Variants in ADGRB1 observed in about 807,000 individuals in gnomAD.
ADGRB1 encodes adhesion G protein-coupled receptor B1.
ADGRB1 carries 36 observed loss-of-function variants against 175.7 expected under a neutral mutation model. That is an observed-to-expected ratio of 0.20 (90% CI 0.16 to 0.27). The LOEUF is 0.27. ADGRB1 is among the 10% of genes least tolerant of loss of function. ADGRB1 has a pLI of 1.00. For missense variants in ADGRB1, 1,731 were observed against 2,255.3 expected (o/e 0.77, Z 4.71); for synonymous variants, 1,054 against 979.4 (o/e 1.08, Z -1.42).
At chr8:142,524,694 G>A (rs530019471) in intron 23 of ADGRB1, among the ~76,000 whole-genome samples, 5 of 152,274 alleles carry the variant, frequency 3.3e-5, no homozygotes, top group South Asian at 2.1e-4. Flanking sequence ...GCCCCAGAGC[G>A]CCAGATGTGA....
In ADGRB1 at chr8:142,492,919, C is replaced by T. The variant is rs568920077; in HGVS notation, c.2675+2104C>T. On this transcript the variant is annotated intron_variant, in intron 17 of 30. Coordinates refer to ENST00000517894, the MANE Select transcript of ADGRB1 (RefSeq NM_001702.3). The surrounding 1 kb of genome is among the most constrained non-coding windows in gnomAD (Gnocchi z 4.4). ...CCCCACAGTGCAGAAACCCTCCATC[C>T]GGGCTGTTCGCCGGCCGCGGCAGCT... Among the ~76,000 whole-genome samples the T allele has an allele frequency of 1.3e-5, 2 of 152,074 alleles. No individual in the cohort carries two copies. Among genetic ancestry groups the T allele is most frequent in the South Asian group, 2.1e-4 (1 of 4,798 alleles).
chr8:142,502,459 T>TGGGGTA (rs1842656183), intron 17 of ADGRB1, among the ~76,000 whole-genome samples: 1 of 119,782 alleles, frequency 8.3e-6, no homozygotes, highest in Non-Finnish European at 1.7e-5. Flanking sequence ...GATGGGGTGG[T>TGGGGTA]GCAGTCATCA....
At position 142,510,919 on chromosome 8, in the gene ADGRB1, C is replaced by G; in HGVS notation, c.2676-13C>G. ...CTCCGCCTGTCTCCCTCCCGTGTCCCGCCCGCCCCCAGACCCTCCTCCTCC... is the reference window on the plus strand; with the variant it reads ...CTCCGCCTGTCTCCCTCCCGTGTCCGGCCCGCCCCCAGACCCTCCTCCTCC... On this transcript the variant is annotated splice_polypyrimidine_tract_variant and intron_variant, in intron 17 of 30. Coordinates refer to ENST00000517894, the MANE Select transcript of ADGRB1 (RefSeq NM_001702.3). This position sits in a 1 kb window ranked among gnomAD's most constrained non-coding sequence, Gnocchi z 6.3. 8 of 1,064,200 alleles carry G rather than the reference C, an allele frequency of 7.5e-6. No homozygotes were observed. The highest frequency in any genetic ancestry group is 9.2e-6 in the Non-Finnish European group (8 of 866,218). The allele number at this position is 1,064,200 out of a possible 1,614,324, so 65.9% of individuals were successfully genotyped here. A position where few individuals can be genotyped will look rare whatever the true frequency, so the allele number is the denominator to read the frequency against.
At chr8:142,475,892 A>ATTTGGCCCTTGGG (rs1283452710) in intron 3 of ADGRB1, among the ~76,000 whole-genome samples, 1 of 8,142 alleles carries the variant, frequency 1.2e-4, no homozygotes, top group Non-Finnish European at 4.0e-4. Context: ...GCAGGACCTA[A>ATTTGGCCCTTGGG]ACTCGGGGCT....
In ADGRB1 at chr8:142,464,692, C is replaced by G. The variant is rs1316750651; in HGVS notation, c.494C>G (p.Pro165Arg). ...GLRPRAGPPG[P>R]TDDFSVEYLV... ...CGGCCCCGGGCCGGGCCGCCGGGCC[C>G]CACCGACGACTTCTCCGTGGAGTAC... The change falls in exon 2 of 31, where the codon CCC (proline) becomes CGC (arginine). Residue 165 changes from proline to arginine, a missense_variant. Coordinates refer to ENST00000517894, the MANE Select transcript of ADGRB1 (RefSeq NM_001702.3). 12 of 1,528,428 alleles carry G rather than the reference C, an allele frequency of 7.9e-6. No individual in the cohort carries two copies. Among genetic ancestry groups the G allele is most frequent in the Non-Finnish European group, 1.0e-5 (12 of 1,143,208 alleles). 94.7% of individuals were successfully genotyped at this position (1,528,428 alleles called of 1,614,324 possible).
Position 142,464,733 on chromosome 8 carries a change from C to A in ADGRB1, c.535C>A (p.Arg179Ser), listed in dbSNP as rs1257962035. Residue 179 changes from arginine (R) to serine (S), a missense_variant, in exon 2 of 31, where the codon CGC (arginine) becomes AGC (serine). Arg to Ser is a moderately radical substitution (Grantham distance 110, BLOSUM62 -1). Coordinates refer to ENST00000517894, the MANE Select transcript of ADGRB1 (RefSeq NM_001702.3). ...FSVEYLVVGN[R>S]NPSRAACQML... Reference sequence around the variant, plus strand: ...CGTGGAGTACCTGGTGGTGGGGAACCGCAACCCCAGCCGTGCCGCCTGCCA... The same window carrying A: ...CGTGGAGTACCTGGTGGTGGGGAACAGCAACCCCAGCCGTGCCGCCTGCCA... 5.9e-6 allele frequency: 9 copies of A among 1,534,058 alleles called. No homozygotes were observed. The highest frequency in any genetic ancestry group is 2.0e-5 in the Admixed American group (1 of 50,832).
chr8:142,481,535 A>C lies in ADGRB1; in HGVS notation c.1954A>C (p.Lys652Gln). The change falls in exon 11 of 31, where the codon AAG becomes CAG. Residue 652 changes from lysine to glutamine, a missense_variant. This residue lies in a region of ADGRB1 where 388 missense variants were observed against 630.9 expected (regional missense o/e 0.61). Coordinates refer to ENST00000517894, the MANE Select transcript of ADGRB1 (RefSeq NM_001702.3). ...IQMMTREHLA[K>Q]AQRGLPGEGV... ...TCCGCAGACCCGGGAGCACCTGGCC[A>C]AGGCTCAGCGAGGGCTGCCTGGGGA... 2 of 1,587,818 alleles carry C rather than the reference A, an allele frequency of 1.3e-6. No individual in the cohort carries two copies. Among genetic ancestry groups the C allele is most frequent in the Non-Finnish European group, 1.7e-6 (2 of 1,166,636 alleles).
At position 142,543,559 on chromosome 8, in the gene ADGRB1, C is replaced by A; in HGVS notation, c.4450-42C>A. On this transcript the variant is annotated intron_variant, in intron 29 of 30. Transcript: ENST00000517894. The surrounding 1 kb of genome is among the most constrained non-coding windows in gnomAD (Gnocchi z 4.4). ...CGGGGCAGGCAGGATGGGCCATGCC[C>A]TCCTCCTGGCCCAGGACTCACTGCC... 6.4e-7 allele frequency: 1 copy of A among 1,574,630 alleles called. No homozygotes were observed. The highest frequency in any genetic ancestry group is 8.6e-7 in the Non-Finnish European group (1 of 1,159,052).
rs893685196 is a variant in ADGRB1 at position 142,517,367 on chromosome 8, C to T, written c.2818-771C>T. ...AGGTCACCCCGGCACCCGGATGACACCCCAGCTCCCACACTCTCCTGCCTC... is the reference window on the plus strand; with the variant it reads ...AGGTCACCCCGGCACCCGGATGACATCCCAGCTCCCACACTCTCCTGCCTC... On this transcript the variant is annotated intron_variant, in intron 18 of 30. Coordinates refer to ENST00000517894, the MANE Select transcript of ADGRB1 (RefSeq NM_001702.3). Among the ~76,000 whole-genome samples the T allele has an allele frequency of 2.0e-5, 3 of 152,234 alleles. No individual in the cohort carries two copies. In the South Asian group the frequency reaches 6.2e-4, roughly 31 times the overall value.
chr8:142,452,230 C>A (rs944827811), intron 1 of ADGRB1, among the ~76,000 whole-genome samples: 4 of 152,206 alleles, frequency 2.6e-5, no homozygotes, highest in Non-Finnish European at 5.9e-5. Flanking sequence ...CCGGGAGACC[C>A]GGCGGCTGAG....
Position 142,533,469 on chromosome 8 carries a change from G to A in ADGRB1, c.3570+3G>A. On this transcript the variant is annotated splice_donor_region_variant and intron_variant, in intron 25 of 30. Transcript: ENST00000517894. Reference sequence around the variant, plus strand: ...TGCACTGTATCCTCCGTAGAGAGGTGGGTGAGGCAGCCTCTGTCGGGCCGG... The same window carrying A: ...TGCACTGTATCCTCCGTAGAGAGGTAGGTGAGGCAGCCTCTGTCGGGCCGG... 2 of 1,586,838 alleles carry A rather than the reference G, an allele frequency of 1.3e-6. No homozygotes were observed. The highest frequency in any genetic ancestry group is 1.7e-6 in the Non-Finnish European group (2 of 1,160,082).
chr8:142,497,491 G>C (rs1842277917), intron 17 of ADGRB1, among the ~76,000 whole-genome samples: 1 of 152,126 alleles, frequency 6.6e-6, no homozygotes, highest in Non-Finnish European at 1.5e-5. Context: ...GGCAGAGGAG[G>C]CTGGGGGAGG....
intron 22 of ADGRB1, 90 bp downstream of exon 22, chr8:142,522,800 C>A: frequency 1.5e-6 from 2 of 1,293,184 alleles, no homozygotes; most frequent in South Asian, 3.8e-5. Context: ...GCCATGCCCT[C>A]CCCCCGTGTG....
chr8:142,464,439 A>AC lies in ADGRB1; in HGVS notation c.242dup (p.Leu82SerfsTer119). On this transcript the variant is annotated frameshift_variant, in exon 2 of 31. Transcript: ENST00000517894. LOFTEE classifies it high-confidence loss of function. ...ACGCAACCCGGACCCGCGGCGCTAC[A>AC]CTCTCTACATGAAGGTGGCCAAGGC... 6.4e-7 allele frequency: 1 copy of AC among 1,570,500 alleles called. No homozygotes were observed. The highest frequency in any genetic ancestry group is 8.6e-7 in the Non-Finnish European group (1 of 1,162,800).
Position 142,455,644 on chromosome 8 carries a change from C to T in ADGRB1, c.-220+5540C>T, listed in dbSNP as rs1839628338. On this transcript the variant is annotated intron_variant, in intron 1 of 30. Transcript: ENST00000517894. The surrounding 1 kb of genome is among the most constrained non-coding windows in gnomAD (Gnocchi z 4.9). Reference sequence around the variant, plus strand: ...GAACCTGTGTCCTGGTGCCTGTCCCCCACTCCTCACTCAGCTGTGGGCCAG... The same window carrying T: ...GAACCTGTGTCCTGGTGCCTGTCCCTCACTCCTCACTCAGCTGTGGGCCAG... Among the ~76,000 whole-genome samples, 1 of 152,174 alleles carries T rather than the reference C, an allele frequency of 6.6e-6. No homozygotes were observed. The highest frequency in any genetic ancestry group is 1.5e-5 in the Non-Finnish European group (1 of 68,044).
intron 1 of ADGRB1, among the ~76,000 whole-genome samples, chr8:142,456,398 C>G (rs887159146): frequency 1.2e-4 from 19 of 152,124 alleles, no homozygotes; most frequent in Admixed American, 1.3e-4. Context: ...TAATAACTCA[C>G]AAAAGGAGCA....
chr8:142,506,743 A>C (rs1842871583), intron 17 of ADGRB1, among the ~76,000 whole-genome samples: 1 of 152,214 alleles, frequency 6.6e-6, no homozygotes, highest in East Asian at 1.9e-4. Flanking sequence ...TGAAAGAGGG[A>C]GGTCTGAGGC....
intron 18 of ADGRB1, among the ~76,000 whole-genome samples, chr8:142,516,522 G>T (rs1843450630): frequency 6.8e-6 from 1 of 147,716 alleles, no homozygotes; most frequent in African/African-American, 2.5e-5. Context: ...GCGTGTGCGG[G>T]TCCCAGGTGC....
chr8:142,466,003 T>C (rs1173490148), intron 2 of ADGRB1, among the ~76,000 whole-genome samples: 5 of 152,264 alleles, frequency 3.3e-5, no homozygotes, highest in African/African-American at 1.2e-4. Flanking sequence ...TGGGCCTCAG[T>C]GCAGGAGATG....
Sources: gnomAD v4.1 joint callset for allele counts (sites outside exome capture counted in the v4.1 genomes callset) on GRCh38, gnomAD v4.1.1 for gene constraint, gnomAD v4.1.1 regional missense constraint, Gnocchi (gnomAD v3.1) non-coding constraint, MANE v1.5 for transcripts, NCBI Gene and HGNC (gene_info 2026-07-23, HGNC 2026-07-21) for gene names.